The following SLC24A3 variants were observed in gnomAD, a reference collection of about 807,000 sequenced individuals.
SLC24A3 encodes sodium/potassium/calcium exchanger 3.
A neutral mutation model predicts 75.8 loss-of-function variants in SLC24A3; 28 were observed. That is an observed-to-expected ratio of 0.37 (90% CI 0.27 to 0.51). The LOEUF is 0.51. Ranked by LOEUF, SLC24A3 falls within the 20% of genes least tolerant of loss-of-function variation. The pLI is 0.94. For missense variants in SLC24A3, 663 were observed against 847.8 expected, an observed-to-expected ratio of 0.78 and a Z score of 2.71; for synonymous variants, 372 against 334.1, an observed-to-expected ratio of 1.11 and a Z score of -1.24.
intron 7 of SLC24A3, among the ~76,000 whole-genome samples, chr20:19,658,752 A>G (rs1403005605): frequency 6.6e-6 from 1 of 152,064 alleles, no homozygotes; most frequent in Non-Finnish European, 1.5e-5. Context: ...TCACCTTTTA[A>G]ATCCTGAAAG....
At chr20:19,623,321 T>C (rs2031828303) in intron 6 of SLC24A3, among the ~76,000 whole-genome samples, 1 of 152,156 alleles carries the variant, frequency 6.6e-6, no homozygotes, top group Admixed American at 6.5e-5. Flanking sequence ...TCAAAATGAA[T>C]GGCTCTTGGC....
chr20:19,679,330 G>C (rs992803816), intron 9 of SLC24A3, among the ~76,000 whole-genome samples: 13 of 152,340 alleles, frequency 8.5e-5, no homozygotes, highest in Non-Finnish European at 1.5e-4. Flanking sequence ...GCGAAACCCC[G>C]TCTCCACCAA....
At chr20:19,390,137 G>T (rs1438015289) in intron 2 of SLC24A3, among the ~76,000 whole-genome samples, 3 of 152,162 alleles carry the variant, frequency 2.0e-5, no homozygotes, top group African/African-American at 4.8e-5. Context: ...TTATTTAGTT[G>T]TCTGTTATCT....
intron 2 of SLC24A3, among the ~76,000 whole-genome samples, chr20:19,349,557 C>G (rs1312165442): frequency 6.6e-6 from 1 of 152,122 alleles, no homozygotes; most frequent in Non-Finnish European, 1.5e-5. Context: ...AGTCCTTGAC[C>G]AAGAACTGAT....
At chr20:19,464,025 G>T (rs190683435) in intron 2 of SLC24A3, among the ~76,000 whole-genome samples, 1 of 152,182 alleles carries the variant, frequency 6.6e-6, no homozygotes, top group Non-Finnish European at 1.5e-5. Flanking sequence ...GAATGAAATC[G>T]CAGTGCACTG....
chr20:19,474,727 T>G (rs1370524159), intron 2 of SLC24A3, among the ~76,000 whole-genome samples: 3 of 152,226 alleles, frequency 2.0e-5, no homozygotes, highest in African/African-American at 4.8e-5. Flanking sequence ...AATTTTTTTG[T>G]GTGTGTGGTA....
intron 2 of SLC24A3, among the ~76,000 whole-genome samples, chr20:19,348,685 T>G (rs1985492190): frequency 6.6e-6 from 1 of 152,158 alleles, no homozygotes; most frequent in African/African-American, 2.4e-5. Context: ...TGCTTGGTGC[T>G]TAAGGCCTCA....
intron 3 of SLC24A3, among the ~76,000 whole-genome samples, chr20:19,534,430 T>TTTTGTTTTGTTTTGTTTTATTTTGA (rs373019537): frequency 1.3e-5 from 2 of 150,596 alleles, no homozygotes; most frequent in Admixed American, 6.6e-5. Flanking sequence ...TTTTGTTTTG[T>TTTTGTTTTGTTTTGTTTTATTTTGA]GACGGAGTCT....
chr20:19,342,125 T>A (rs1985286006), intron 2 of SLC24A3, among the ~76,000 whole-genome samples: 1 of 152,376 alleles, frequency 6.6e-6, no homozygotes, highest in Admixed American at 6.5e-5. Flanking sequence ...AGAATAGTCA[T>A]GTAACAATAT....
intron 3 of SLC24A3, among the ~76,000 whole-genome samples, chr20:19,563,910 C>T (rs759841767): frequency 6.6e-6 from 1 of 152,200 alleles, no homozygotes; most frequent in African/African-American, 2.4e-5. Context: ...TAATAAGAAC[C>T]TTTAGGCAAG....
intron 2 of SLC24A3, among the ~76,000 whole-genome samples, chr20:19,290,191 T>A (rs985053468): frequency 6.6e-6 from 1 of 152,060 alleles, no homozygotes; most frequent in African/African-American, 2.4e-5. Flanking sequence ...TGAGGCACAC[T>A]CAAGTGTGAG....
intron 2 of SLC24A3, among the ~76,000 whole-genome samples, chr20:19,372,041 C>A (rs901309291): frequency 2.6e-5 from 4 of 152,062 alleles, no homozygotes; most frequent in African/African-American, 7.2e-5. Context: ...AGTATACATG[C>A]CTTGGAAGGG....
chr20:19,213,747 T>G (rs145762837), intron 1 of SLC24A3, among the ~76,000 whole-genome samples: 1 of 152,342 alleles, frequency 6.6e-6, no homozygotes, highest in Non-Finnish European at 1.5e-5. Context: ...TCCTTGGCCT[T>G]TCTTGAGCTG....
chr20:19,213,153 C>A, intron 1 of SLC24A3, 169 bp downstream of exon 1: 1 of 730,248 alleles, frequency 1.4e-6, no homozygotes, highest in Non-Finnish European at 1.8e-6. Context: ...CTGCCCCACG[C>A]AGAGGCATGG....
intron 15 of SLC24A3, among the ~76,000 whole-genome samples, chr20:19,715,368 C>T (rs903103635): frequency 1.6e-4 from 24 of 152,196 alleles, no homozygotes; most frequent in Admixed American, 1.3e-4. Flanking sequence ...TGGACTGCGA[C>T]GGGGCCGATC....
At chr20:19,399,291 T>A (rs1043288417) in intron 2 of SLC24A3, among the ~76,000 whole-genome samples, 3 of 152,098 alleles carry the variant, frequency 2.0e-5, no homozygotes, top group African/African-American at 7.2e-5. Flanking sequence ...TATCTTCTAC[T>A]TCCTTTGAGT....
chr20:19,584,859 C>T (rs944712541), intron 4 of SLC24A3, 112 bp from the exon 5 acceptor site: 22 of 901,322 alleles, frequency 2.4e-5, no homozygotes, highest in African/African-American at 1.3e-4. Context: ...GTCCTACTCT[C>T]GCTGAAGCCC....
At chr20:19,411,980 TG>T (rs1290056142) in intron 2 of SLC24A3, among the ~76,000 whole-genome samples, 1 of 152,212 alleles carries the variant, frequency 6.6e-6, no homozygotes, top group African/African-American at 2.4e-5. Flanking sequence ...AGCCCTTACT[TG>T]TTCTTCACTG....
intron 2 of SLC24A3, among the ~76,000 whole-genome samples, chr20:19,370,099 G>A (rs866421993): frequency 6.6e-5 from 10 of 150,966 alleles, no homozygotes; most frequent in Non-Finnish European, 1.3e-4. Flanking sequence ...TTAAATTAAA[G>A]CAAATTAAAT....
Sources: allele counts gnomAD v4.1 joint callset (sites outside exome capture counted in the v4.1 genomes callset), GRCh38; gene constraint gnomAD v4.1.1; transcripts MANE v1.5; gene names NCBI Gene and HGNC (gene_info 2026-07-23, HGNC 2026-07-21).